Variants in MYZAP observed in about 807,000 individuals in gnomAD.
MYZAP encodes GRINL1A complex locus upstream.
A neutral mutation model predicts 69.4 loss-of-function variants in MYZAP; 66 were observed. That is an observed-to-expected ratio of 0.95 (90% CI 0.78 to 1.17). The LOEUF (loss-of-function observed/expected upper bound fraction) is 1.17, where lower values mean the gene tolerates loss of function less well. Ranked by LOEUF, MYZAP falls within the 50% of genes most tolerant of loss-of-function variation. The pLI, the probability that MYZAP is intolerant of heterozygous loss-of-function variation, is 0.00. For missense variants in MYZAP, 611 were observed against 556.2 expected (o/e 1.10, Z -0.99); for synonymous variants, 256 against 205.9 (o/e 1.24, Z -2.09).
intron 10 of MYZAP, among the ~76,000 whole-genome samples, chr15:57,641,615 G>A (rs541993367): frequency 7.1e-4 from 108 of 152,256 alleles, no homozygotes; most frequent in Admixed American, 1.4e-3. Context: ...CCTAGGGGCT[G>A]GCTGGGTTTC....
intron 1 of MYZAP, 90 bp from the exon 2 acceptor site, chr15:57,604,179 G>A (rs897279676): frequency 1.1e-5 from 15 of 1,337,668 alleles, no homozygotes; most frequent in Non-Finnish European, 1.5e-5. Context: ...TGGAAGTAGG[G>A]GAAATGGGCT....
intron 1 of MYZAP, among the ~76,000 whole-genome samples, chr15:57,602,874 A>T (rs2034505352): frequency 6.6e-6 from 1 of 152,162 alleles, no homozygotes; most frequent in Non-Finnish European, 1.5e-5. Flanking sequence ...GAAGATGCCT[A>T]TACATGGTTA....
intron 6 of MYZAP, among the ~76,000 whole-genome samples, chr15:57,632,062 G>A (rs2036537838): frequency 6.6e-6 from 1 of 152,202 alleles, no homozygotes; most frequent in Non-Finnish European, 1.5e-5. Context: ...AAGCACAAGG[G>A]TATGGAAAGG....
intron 1 of MYZAP, among the ~76,000 whole-genome samples, chr15:57,598,484 C>T (rs1017153996): frequency 3.9e-5 from 6 of 152,262 alleles, no homozygotes; most frequent in Admixed American, 1.3e-4. Context: ...TGCTAAGCAC[C>T]GTAGGGGCTA....
Position 57,639,527 on chromosome 15 carries a change from C to T in MYZAP, c.1101C>T (p.Val367=), listed in dbSNP as rs150963206. The change falls in exon 10 of 13, where the codon GTC becomes GTT. Residue 367 remains valine, a synonymous_variant. Transcript: ENST00000267853. ...DDMVHCQQKK[V]KQMVEEIESL... is the part of the protein sequence containing the mutation. ...TGGTGCATTGCCAGCAGAAGAAAGT[C>T]AAGCAGATGGTCGAGGAGGTAAGCA... 577 of 1,613,862 alleles carry T rather than the reference C, an allele frequency of 3.6e-4. No homozygotes were observed. Among genetic ancestry groups the T allele is most frequent in the Non-Finnish European group, 4.7e-4 (555 of 1,179,922 alleles).
In MYZAP at chr15:57,647,435, A is replaced by G. The variant is rs1329133283; in HGVS notation, c.1119+7890A>G. 3.0e-6 allele frequency: 3 copies of G among 985,182 alleles called. No homozygotes were observed. The African/African-American group carries it at 5.2e-5, about 17-fold the overall frequency. The allele number at this position is 985,182 out of a possible 1,614,324, so 61.0% of individuals were successfully genotyped here. Reference sequence around the variant, plus strand: ...GCCTTTATTGCTGTAATGTTTTTCTAAGTCTCTGGTGGAAAAGTCACTGGC... The same window carrying G: ...GCCTTTATTGCTGTAATGTTTTTCTGAGTCTCTGGTGGAAAAGTCACTGGC... On this transcript the variant is annotated intron_variant, in intron 10 of 12. Coordinates refer to ENST00000267853, the MANE Select transcript of MYZAP (RefSeq NM_001018100.5).
intron 2 of MYZAP, among the ~76,000 whole-genome samples, chr15:57,606,675 A>C (rs539641739): frequency 9.2e-5 from 14 of 152,102 alleles, no homozygotes; most frequent in Non-Finnish European, 1.3e-4. Context: ...ACATGTATAC[A>C]TATGTAACTA....
At chr15:57,642,208 G>C (rs957753392) in intron 10 of MYZAP, among the ~76,000 whole-genome samples, 1 of 152,230 alleles carries the variant, frequency 6.6e-6, no homozygotes, top group Non-Finnish European at 1.5e-5. Context: ...CTTAAAGACT[G>C]TGTGGAGGAA....
chr15:57,625,055 CTT>C (rs537378113), intron 4 of MYZAP, among the ~76,000 whole-genome samples: 16 of 143,418 alleles, frequency 1.1e-4, no homozygotes, highest in South Asian at 2.3e-4. Context: ...CAAAACAACT[CTT>C]TTTTTTTTTT....
chr15:57,646,377 A>C (rs1477838741), intron 10 of MYZAP: 2 of 1,174,428 alleles, frequency 1.7e-6, no homozygotes, highest in African/African-American at 3.2e-5. Flanking sequence ...AAACACCCAC[A>C]TACTGTCACC....
At chr15:57,648,542 C>T in intron 10 of MYZAP, 1 of 920,140 alleles carries the variant, frequency 1.1e-6, no homozygotes, top group Non-Finnish European at 1.3e-6. Context: ...GTTTTTTAAG[C>T]ATGGGAAACT....
chr15:57,616,242 A>G (rs1484043249), intron 2 of MYZAP, among the ~76,000 whole-genome samples: 2 of 152,354 alleles, frequency 1.3e-5, no homozygotes, highest in Admixed American at 6.5e-5. Context: ...GGGCCAGGCA[A>G]GGTGGCTCAT....
intron 2 of MYZAP, among the ~76,000 whole-genome samples, chr15:57,607,563 C>G (rs1317841480): frequency 2.0e-5 from 3 of 152,156 alleles, no homozygotes; most frequent in Non-Finnish European, 4.4e-5. Flanking sequence ...TACCCCTCAG[C>G]CCCCAGACAC....
Position 57,621,668 on chromosome 15 carries a change from C to G in MYZAP, c.379C>G (p.Gln127Glu). 6.8e-6 allele frequency: 11 copies of G among 1,613,918 alleles called. No homozygotes were observed. The highest frequency in any genetic ancestry group is 8.5e-6 in the Non-Finnish European group (10 of 1,179,890). ...GTATGGAGACTATGATGAGATGAGACAGAAGATTCGACAGCTCACCCAGGA... is the reference window on the plus strand; with the variant it reads ...GTATGGAGACTATGATGAGATGAGAGAGAAGATTCGACAGCTCACCCAGGA... ...RMYGDYDEMR[Q>E]KIRQLTQELS... The change falls in exon 4 of 13, where the codon CAG becomes GAG. Residue 127 changes from glutamine to glutamate, a missense_variant. Transcript: ENST00000267853.
intron 2 of MYZAP, among the ~76,000 whole-genome samples, chr15:57,612,654 G>C (rs1690332): frequency 0.07 from 10,696 of 152,140 alleles, 1,025 homozygotes; most frequent in African/African-American, 0.22. Context: ...CCTTGTTAAC[G>C]CAGACTCTTC....
At chr15:57,632,710 A>T in intron 7 of MYZAP, 151 bp downstream of exon 7, 2 of 1,271,854 alleles carry the variant, frequency 1.6e-6, no homozygotes, top group Non-Finnish European at 1.1e-6. Flanking sequence ...CTGCTCATTC[A>T]CTCCCCTCCC....
chr15:57,646,404 C>T, intron 10 of MYZAP: 2 of 1,109,664 alleles, frequency 1.8e-6, no homozygotes, highest in Non-Finnish European at 2.2e-6. Context: ...TGTACAGCCT[C>T]AAACTGCAGA....
At chr15:57,683,778 G>A (rs1380126182) in intron 12 of MYZAP, among the ~76,000 whole-genome samples, 2 of 151,938 alleles carry the variant, frequency 1.3e-5, no homozygotes, top group African/African-American at 4.8e-5. Context: ...AAGGGATGAT[G>A]ATGAATATTT....
intron 12 of MYZAP, among the ~76,000 whole-genome samples, chr15:57,678,950 G>A (rs1318444138): frequency 6.6e-6 from 1 of 152,118 alleles, no homozygotes; most frequent in African/African-American, 2.4e-5. Context: ...GCCGAGGCGG[G>A]CGGATCACCT....
Sources: gnomAD v4.1 joint callset for allele counts (sites outside exome capture counted in the v4.1 genomes callset) on GRCh38, gnomAD v4.1.1 for gene constraint, MANE v1.5 for transcripts, NCBI Gene and HGNC (gene_info 2026-07-23, HGNC 2026-07-21) for gene names.